Variants in FER observed in about 807,000 individuals in gnomAD.
FER encodes tyrosine-protein kinase Fer.
In FER, 63 loss-of-function variants were observed where a neutral mutation model predicts 111.0. The ratio of observed to expected loss-of-function variants is 0.57; its 90% CI spans 0.46 to 0.70. FER has a LOEUF of 0.70. FER is among the 30% of genes least tolerant of loss of function. The pLI, the probability that FER is intolerant of heterozygous loss-of-function variation, is 0.00. For missense variants in FER, 914 were observed against 954.0 expected (o/e 0.96, Z 0.55); for synonymous variants, 327 against 313.9 (o/e 1.04, Z -0.44).
At chr5:109,077,967 G>T (rs75936063) in intron 16 of FER, among the ~76,000 whole-genome samples, 4,233 of 152,098 alleles carry the variant, frequency 0.028, 199 homozygotes, top group African/African-American at 0.096. Flanking sequence ...GGATCAAAAA[G>T]ATTATTTATT....
intron 13 of FER, among the ~76,000 whole-genome samples, chr5:109,032,392 G>A (rs1268310668): frequency 6.6e-6 from 1 of 152,078 alleles, no homozygotes; most frequent in Non-Finnish European, 1.5e-5. Context: ...CACTCAACAG[G>A]TAATAGCTTA....
chr5:109,157,452 A>C (rs1331335256), intron 17 of FER, among the ~76,000 whole-genome samples: 2 of 151,766 alleles, frequency 1.3e-5, no homozygotes, highest in East Asian at 3.9e-4. Flanking sequence ...TTCTTGTTGG[A>C]ATTTTCTGCT....
At chr5:108,977,846 C>G (rs565908805) in intron 13 of FER, among the ~76,000 whole-genome samples, 1 of 152,054 alleles carries the variant, frequency 6.6e-6, no homozygotes, top group South Asian at 2.1e-4. Context: ...TCCTGTTTCT[C>G]TCTTCTCTCT....
chr5:108,952,136 C>T (rs557209654), intron 11 of FER, among the ~76,000 whole-genome samples: 5 of 152,120 alleles, frequency 3.3e-5, no homozygotes, highest in Non-Finnish European at 1.5e-5. Context: ...TTAACTGAAA[C>T]TTTTAAAAAG....
chr5:108,927,250 C>CTTTTTTTT (rs773963733), intron 10 of FER, among the ~76,000 whole-genome samples: 23 of 95,348 alleles, frequency 2.4e-4, no homozygotes, highest in African/African-American at 3.7e-4. Flanking sequence ...TGAGAAGTGG[C>CTTTTTTTT]TCTTTTTTTT....
At chr5:108,845,325 C>A (rs1761925336) in intron 5 of FER, among the ~76,000 whole-genome samples, 1 of 151,008 alleles carries the variant, frequency 6.6e-6, no homozygotes, top group African/African-American at 2.4e-5. Context: ...GTGCCTGCCA[C>A]CACTCCCAGC....
rs181027384 is a variant in FER at position 109,014,874 on chromosome 5, C to T, written c.1657-22548C>T. The T allele has an allele frequency of 3.5e-3, 528 of 152,308 alleles. 1 individual carries two copies. Among genetic ancestry groups the T allele is most frequent in the Non-Finnish European group, 4.8e-3 (327 of 67,978 alleles). The allele number at this position is 152,308 out of a possible 1,614,324, so 9.4% of individuals were successfully genotyped here. On this transcript the variant is annotated intron_variant, in intron 13 of 19. Transcript: ENST00000281092. ...TTAATGAATTTGCGTGTCATCCTTG[C>T]GCAGGGGCCATGCTAATCTTCCCTG...
chr5:109,184,188 GT>G (rs1173222383), intron 18 of FER, among the ~76,000 whole-genome samples: 6 of 152,056 alleles, frequency 3.9e-5, no homozygotes, highest in Admixed American at 6.6e-5. Flanking sequence ...TGTCACCTGG[GT>G]ATTTGGGGCT....
chr5:108,918,153 T>A (rs1467791117), intron 10 of FER, among the ~76,000 whole-genome samples: 2 of 152,124 alleles, frequency 1.3e-5, no homozygotes, highest in Non-Finnish European at 2.9e-5. Context: ...AAAAGGGAGA[T>A]AAAGTCATAT....
At chr5:108,846,567 A>C (rs944904382) in intron 5 of FER, among the ~76,000 whole-genome samples, 4 of 151,750 alleles carry the variant, frequency 2.6e-5, no homozygotes, top group African/African-American at 9.7e-5. Flanking sequence ...TCCTTTATTC[A>C]CCTTTTTATT....
chr5:109,020,384 C>G (rs1294306385), intron 13 of FER, among the ~76,000 whole-genome samples: 1 of 151,756 alleles, frequency 6.6e-6, no homozygotes, highest in African/African-American at 2.4e-5. Flanking sequence ...AGAAATAAGA[C>G]CAAAATTTCT....
At chr5:109,063,995 T>C (rs1774775555) in intron 16 of FER, among the ~76,000 whole-genome samples, 1 of 152,182 alleles carries the variant, frequency 6.6e-6, no homozygotes, top group African/African-American at 2.4e-5. Context: ...TCATTTTACA[T>C]CATGCGTAAT....
At chr5:108,836,358 T>G (rs1760660931) in intron 5 of FER, among the ~76,000 whole-genome samples, 1 of 152,108 alleles carries the variant, frequency 6.6e-6, no homozygotes, top group Non-Finnish European at 1.5e-5. Flanking sequence ...AGTACTTAGG[T>G]GATCTTGTAT....
intron 13 of FER, among the ~76,000 whole-genome samples, chr5:109,003,256 G>A (rs1295052850): frequency 6.6e-6 from 1 of 152,196 alleles, no homozygotes; most frequent in African/African-American, 2.4e-5. Context: ...AGAAAATGTG[G>A]CACATATACA....
chr5:108,959,389 AT>A, intron 13 of FER, 42 bp downstream of exon 13: 2 of 1,541,138 alleles, frequency 1.3e-6, no homozygotes, highest in African/African-American at 1.4e-5. Flanking sequence ...TTTTAAAAGA[AT>A]TTTTGGTGAG....
At chr5:109,180,366 C>T (rs961277155) in intron 17 of FER, among the ~76,000 whole-genome samples, 2 of 152,176 alleles carry the variant, frequency 1.3e-5, no homozygotes, top group Non-Finnish European at 2.9e-5. Flanking sequence ...AGCCACATTG[C>T]AGGTGTCCAG....
chr5:109,101,733 A>G (rs1405980922), intron 17 of FER, among the ~76,000 whole-genome samples: 1 of 152,126 alleles, frequency 6.6e-6, no homozygotes, highest in Non-Finnish European at 1.5e-5. Context: ...TTGACTTAAA[A>G]AGCATTTGAT....
intron 11 of FER, among the ~76,000 whole-genome samples, chr5:108,950,743 C>T (rs1757615161): frequency 1.3e-5 from 2 of 152,032 alleles, no homozygotes; most frequent in Non-Finnish European, 1.5e-5. Context: ...TTTAGTATAT[C>T]TGTACAAATA....
chr5:109,170,328 A>C (rs1314014715), intron 17 of FER, among the ~76,000 whole-genome samples: 1 of 152,224 alleles, frequency 6.6e-6, no homozygotes, highest in African/African-American at 2.4e-5. Flanking sequence ...CAGGAACAAA[A>C]TGGCAGAAAT....
Sources: allele counts gnomAD v4.1 joint callset (sites outside exome capture counted in the v4.1 genomes callset), GRCh38; gene constraint gnomAD v4.1.1; transcripts MANE v1.5; gene names NCBI Gene and HGNC (gene_info 2026-07-23, HGNC 2026-07-21).